CNTNAP5: variants seen among roughly 807,000 people sequenced by gnomAD.
CNTNAP5 encodes contactin associated protein family member 5.
In CNTNAP5, 72 loss-of-function variants were observed where a neutral mutation model predicts 150.2. That is an observed-to-expected ratio of 0.48 (90% confidence interval 0.40 to 0.58). The LOEUF is 0.58. Ranked by LOEUF, CNTNAP5 falls within the 20% of genes least tolerant of loss-of-function variation. The probability of loss-of-function intolerance (pLI) is 0.00; values close to 1 mark genes in which losing one functional copy is unlikely to be tolerated. For synonymous variants in CNTNAP5, 672 were observed against 619.8 expected, an observed-to-expected ratio of 1.08 and a Z score of -1.25; for missense variants, 1,636 against 1,626.2, an observed-to-expected ratio of 1.01 and a Z score of -0.10.
At chr2:124,840,922 C>T (rs1167532722) in intron 19 of CNTNAP5, among the ~76,000 whole-genome samples, 6 of 152,024 alleles carry the variant, frequency 3.9e-5, no homozygotes, top group Admixed American at 3.9e-4. Context: ...CCATTCTGAC[C>T]AAGTTACATC....
intron 1 of CNTNAP5, among the ~76,000 whole-genome samples, chr2:124,125,470 G>A (rs987551057): frequency 6.6e-6 from 1 of 152,038 alleles, no homozygotes; most frequent in African/African-American, 2.4e-5. Flanking sequence ...AATGGGAGAC[G>A]TTAACAGCCC....
At chr2:124,202,945 G>A (rs553495679) in intron 1 of CNTNAP5, among the ~76,000 whole-genome samples, 94 of 152,058 alleles carry the variant, frequency 6.2e-4, no homozygotes, top group Non-Finnish European at 5.3e-4. Context: ...TCATATCCTC[G>A]CATTTTAAAG....
Position 124,398,449 on chromosome 2 carries a change from G to A in CNTNAP5, c.382-18994G>A, listed in dbSNP as rs76068137. Among the ~76,000 whole-genome samples, 1,031 of 151,882 alleles carry A rather than the reference G, an allele frequency of 6.8e-3. 9 individuals are homozygous for A. The highest frequency in any genetic ancestry group is 0.012 in the Non-Finnish European group (791 of 67,902). On this transcript the variant is annotated intron_variant, in intron 3 of 23. Transcript: ENST00000682447. ...AGCAGGAGATAATTTGGAAAGCAGAGGGCTTTATAGGGAATATTAAGAAAT... is the reference window on the plus strand; with the variant it reads ...AGCAGGAGATAATTTGGAAAGCAGAAGGCTTTATAGGGAATATTAAGAAAT...
Position 124,500,471 on chromosome 2 carries a change from T to C in CNTNAP5, c.1063-3821T>C, listed in dbSNP as rs369944629. On this transcript the variant is annotated intron_variant, in intron 7 of 23. Coordinates refer to ENST00000682447, the MANE Select transcript of CNTNAP5 (RefSeq NM_001367498.1). ...ATTACTTAGAGGTAGGGTACTTCTTTGCTAAACTAGCCCAACAGGAGCTTT... is the reference window on the plus strand; with the variant it reads ...ATTACTTAGAGGTAGGGTACTTCTTCGCTAAACTAGCCCAACAGGAGCTTT... Among the ~76,000 whole-genome samples the C allele has an allele frequency of 2.1e-4, 32 of 152,276 alleles. No individual in the cohort carries two copies. The East Asian group carries it at 5.2e-3, about 25-fold the overall frequency.
intron 17 of CNTNAP5, among the ~76,000 whole-genome samples, chr2:124,777,414 G>T (rs116744561): frequency 6.6e-6 from 1 of 151,848 alleles, no homozygotes; most frequent in African/African-American, 2.4e-5. Context: ...TCTCTCCATC[G>T]CCCAGGCTGG....
chr2:124,780,867 A>G (rs1681435113), intron 17 of CNTNAP5, among the ~76,000 whole-genome samples: 1 of 152,246 alleles, frequency 6.6e-6, no homozygotes, highest in African/African-American at 2.4e-5. Context: ...GTCTGGACTG[A>G]GAATAAAGTG....
intron 3 of CNTNAP5, among the ~76,000 whole-genome samples, chr2:124,245,559 T>C (rs1327062948): frequency 2.1e-5 from 3 of 144,950 alleles, no homozygotes; most frequent in Non-Finnish European, 4.5e-5. Flanking sequence ...ATCAAGAAAA[T>C]AGAGAATATA....
chr2:124,656,087 CT>C (rs1678451853), intron 13 of CNTNAP5, among the ~76,000 whole-genome samples: 1 of 149,946 alleles, frequency 6.7e-6, no homozygotes, highest in African/African-American at 2.4e-5. Flanking sequence ...GAAAAAGTCA[CT>C]GCCACTAGCC....
chr2:124,255,919 T>A (rs1365541030), intron 3 of CNTNAP5, among the ~76,000 whole-genome samples: 1 of 152,182 alleles, frequency 6.6e-6, no homozygotes, highest in African/African-American at 2.4e-5. Flanking sequence ...TGATGTCATT[T>A]TCAAGAAACA....
At chr2:124,485,641 G>GAAAGAAGAAC (rs1693861076) in intron 7 of CNTNAP5, among the ~76,000 whole-genome samples, 1 of 125,870 alleles carries the variant, frequency 7.9e-6, no homozygotes, top group Admixed American at 8.5e-5. Context: ...AAAAGAAGAA[G>GAAAGAAGAAC]GTGCATTTAC....
At chr2:124,745,061 G>C (rs1016714779) in intron 13 of CNTNAP5, among the ~76,000 whole-genome samples, 1 of 152,100 alleles carries the variant, frequency 6.6e-6, no homozygotes, top group African/African-American at 2.4e-5. Context: ...AGAGGCCAAA[G>C]CGGTGCAAGA....
Position 124,350,949 on chromosome 2 carries a change from T to C in CNTNAP5, c.382-66494T>C, listed in dbSNP as rs529293849. On this transcript the variant is annotated intron_variant, in intron 3 of 23. Coordinates refer to ENST00000682447, the MANE Select transcript of CNTNAP5 (RefSeq NM_001367498.1). ...TGTTTCCTCAAAGAGGCTCCTGCCC[T>C]GCACATCATTAGAAATGTTTCCCTT... Among the ~76,000 whole-genome samples, 18 of 151,686 alleles carry C rather than the reference T, an allele frequency of 1.2e-4. No individual in the cohort carries two copies. The East Asian group carries it at 3.5e-3, about 29-fold the overall frequency.
intron 13 of CNTNAP5, among the ~76,000 whole-genome samples, chr2:124,701,098 T>C (rs1183703226): frequency 6.6e-6 from 1 of 152,064 alleles, no homozygotes; most frequent in Non-Finnish European, 1.5e-5. Context: ...GTACCTTAGA[T>C]CTCTAGACTT....
chr2:124,508,864 T>G (rs554456748), intron 8 of CNTNAP5, among the ~76,000 whole-genome samples: 78 of 152,228 alleles, frequency 5.1e-4, no homozygotes, highest in African/African-American at 1.8e-3. Context: ...CAAAAACAGT[T>G]TTCTCTTTCC....
chr2:124,334,399 T>A (rs1264268520), intron 3 of CNTNAP5, among the ~76,000 whole-genome samples: 1 of 152,056 alleles, frequency 6.6e-6, no homozygotes, highest in Non-Finnish European at 1.5e-5. Flanking sequence ...CAGAAAGGCC[T>A]ATGGAGTTTT....
At chr2:124,507,908 C>T (rs190964496) in intron 8 of CNTNAP5, among the ~76,000 whole-genome samples, 9 of 152,242 alleles carry the variant, frequency 5.9e-5, no homozygotes, top group Admixed American at 2.0e-4. Flanking sequence ...AAATAGAAGC[C>T]GCAGTCTTTT....
chr2:124,399,167 G>T (rs1375363661), intron 3 of CNTNAP5, among the ~76,000 whole-genome samples: 2 of 151,972 alleles, frequency 1.3e-5, no homozygotes, highest in Non-Finnish European at 2.9e-5. Flanking sequence ...AAATTTCATT[G>T]CTTGGGCTAC....
chr2:124,790,900 G>A (rs957737686), intron 18 of CNTNAP5, among the ~76,000 whole-genome samples: 2 of 152,102 alleles, frequency 1.3e-5, no homozygotes, highest in Admixed American at 6.5e-5. Flanking sequence ...GTATAAATAC[G>A]TAGGATTTTT....
intron 1 of CNTNAP5, among the ~76,000 whole-genome samples, chr2:124,102,073 C>A (rs554124307): frequency 6.6e-6 from 1 of 152,206 alleles, no homozygotes; most frequent in East Asian, 1.9e-4. Flanking sequence ...TATGACCTCC[C>A]CATAAACTGA....
Sources: allele counts gnomAD v4.1 joint callset (sites outside exome capture counted in the v4.1 genomes callset), GRCh38; gene constraint gnomAD v4.1.1; transcripts MANE v1.5; gene names NCBI Gene and HGNC (gene_info 2026-07-23, HGNC 2026-07-21).